Variants in FBP1 observed in about 807,000 individuals in gnomAD.
The protein encoded by FBP1 is fructose-1,6-bisphosphatase 1.
Under a neutral mutation model 29.9 loss-of-function variants are expected in FBP1, and 22 were observed. The ratio of observed to expected loss-of-function variants is 0.74; its 90% CI spans 0.53 to 1.05. FBP1 has a LOEUF of 1.05. Among genes scored for constraint, FBP1 ranks in the 50% least tolerant of loss-of-function variants. The probability of loss-of-function intolerance (pLI) is 0.00; values close to 1 mark genes in which losing one functional copy is unlikely to be tolerated. For synonymous variants in FBP1, 175 were observed against 178.6 expected (o/e 0.98, Z 0.16); for missense variants, 345 against 448.2 (o/e 0.77, Z 2.08).
chr9:94,619,533 AGACACTGG>A (rs747411337), intron 2 of FBP1, among the ~76,000 whole-genome samples: 8 of 152,152 alleles, frequency 5.3e-5, no homozygotes, highest in Non-Finnish European at 7.3e-5. Context: ...GCATTGCACT[AGACACTGG>A]GACACAGAGA....
chr9:94,628,447 T>C (rs1038454988), intron 1 of FBP1, among the ~76,000 whole-genome samples: 1 of 151,922 alleles, frequency 6.6e-6, no homozygotes, highest in African/African-American at 2.4e-5. Context: ...CCACCTTTTC[T>C]GTATTGGGCC....
At chr9:94,636,752 G>A (rs879807544) in intron 1 of FBP1, among the ~76,000 whole-genome samples, 4 of 151,914 alleles carry the variant, frequency 2.6e-5, no homozygotes, top group South Asian at 4.2e-4. Context: ...AGAGTGGCAC[G>A]ATCTGGGCTC....
In FBP1 at chr9:94,603,440, C is replaced by A. The variant is rs776725815; in HGVS notation, c.958G>T (p.Gly320Ter). 2 of 1,614,054 alleles carry A rather than the reference C, an allele frequency of 1.2e-6. No individual in the cohort carries two copies. Among genetic ancestry groups the A allele is most frequent in the East Asian group, 2.2e-5 (1 of 44,872 alleles). Residue 320 changes from glycine to a stop codon, truncating the protein, a stop_gained, in exon 7 of 7, where the codon GGA becomes TGA. Transcript: ENST00000375326. LOFTEE classifies it high-confidence loss of function. ...AACTCGAGCACGTCGTCGGGGGATC[C>A]CAAGATCACCGGCGCCCTCTGGTGA... ...DIHQRAPVIL[G>*]SPDDVLEFLK...
rs1204449433 is a variant in FBP1 at position 94,617,960 on chromosome 9, C to A, written c.334-100G>T. On this transcript the variant is annotated intron_variant, in intron 2 of 6. Transcript: ENST00000375326. ...AAGAATGGGAATTTAGAAGAAAGTT[C>A]AAAAAATGTGGGTCTTATTTATTTG... 17 of 910,086 alleles carry A rather than the reference C, an allele frequency of 1.9e-5. No individual in the cohort carries two copies. The Admixed American group carries it at 2.8e-4, about 15-fold the overall frequency. 56.4% of individuals were successfully genotyped at this position (910,086 alleles called of 1,614,324 possible).
rs895979280 is a variant in FBP1 at position 94,607,579 on chromosome 9, G to A, written c.568-627C>T. ...TTCTCAGACTGCCTCTTCCCACATA[G>A]CCCAGGGTTAAGCTTATGCCTTTAA... On this transcript the variant is annotated intron_variant, in intron 4 of 6. Transcript: ENST00000375326. 8.5e-5 allele frequency among the ~76,000 whole-genome samples: 13 copies of A among 152,274 alleles called. No individual in the cohort carries two copies. In the East Asian group the frequency reaches 2.5e-3, roughly 29 times the overall value.
chr9:94,608,780 G>A (rs1179325947), intron 4 of FBP1, among the ~76,000 whole-genome samples: 1 of 152,072 alleles, frequency 6.6e-6, no homozygotes, highest in Non-Finnish European at 1.5e-5. Context: ...ACACAGACCC[G>A]GCCTCACCTC....
Position 94,610,006 on chromosome 9 carries a change from AC to A in FBP1, c.481del (p.Val161TrpfsTer41). Reference protein sequence around the residue: ...KDALQPGRNLVAAGYALYGSA... With the variant: ...KDALQPGRNLXAAGYALYGSA... ...GCCATACAGTGCGTAGCCGGCTGCC[AC>A]CAGGTTCCGGCCTGGTTGCAGAGCA... On this transcript the variant is annotated frameshift_variant, in exon 4 of 7. Coordinates refer to ENST00000375326, the MANE Select transcript of FBP1 (RefSeq NM_000507.4). LOFTEE classifies it high-confidence loss of function. 6.2e-7 allele frequency: 1 copy of A among 1,614,212 alleles called. No homozygotes were observed. Among genetic ancestry groups the A allele is most frequent in the Non-Finnish European group, 8.5e-7 (1 of 1,180,022 alleles).
intron 6 of FBP1, 80 bp from the exon 7 acceptor site, chr9:94,603,652 G>T: frequency 7.7e-7 from 1 of 1,301,400 alleles, no homozygotes; most frequent in Non-Finnish European, 1.1e-6. Flanking sequence ...AGCAAAACAT[G>T]CAGAGCTGGT....
At chr9:94,622,852 G>A (rs1281248722) in intron 1 of FBP1, among the ~76,000 whole-genome samples, 2 of 152,162 alleles carry the variant, frequency 1.3e-5, no homozygotes, top group Non-Finnish European at 2.9e-5. Context: ...CCAAAATCTG[G>A]GAGGCCAGAG....
At chr9:94,608,302 G>A (rs1165797284) in intron 4 of FBP1, among the ~76,000 whole-genome samples, 1 of 152,248 alleles carries the variant, frequency 6.6e-6, no homozygotes. Flanking sequence ...AGGCACCGCA[G>A]ACAGAAGGGC....
chr9:94,620,456 T>C lies in FBP1; in HGVS notation c.206A>G (p.Asp69Gly), dbSNP rs997295861. The change falls in exon 2 of 7, where the codon GAT becomes GGT. Residue 69 changes from aspartate to glycine, a missense_variant. Coordinates refer to ENST00000375326, the MANE Select transcript of FBP1 (RefSeq NM_000507.4). ...GIAGSTNVTG[D>G]QVKKLDVLSN... ...GAGGACGTCCAGCTTCTTAACTTGA[T>C]CACCTGTCACGTTGGTAGAACCAGC... 1 of 1,614,144 alleles carries C rather than the reference T, an allele frequency of 6.2e-7. No individual in the cohort carries two copies. The highest frequency in any genetic ancestry group is 8.5e-7 in the Non-Finnish European group (1 of 1,180,002).
chr9:94,621,391 G>T (rs537583484), intron 1 of FBP1, among the ~76,000 whole-genome samples: 1 of 82,792 alleles, frequency 1.2e-5, no homozygotes. Context: ...GCAAGATTCC[G>T]TCTAAAAATA....
upstream of FBP1, among the ~76,000 whole-genome samples, chr9:94,639,729 C>CCCCA (rs544403542): frequency 7.5e-3 from 1,113 of 148,552 alleles, 14 homozygotes; most frequent in African/African-American, 0.027. Context: ...CTGTCGCCCC[C>CCCCA]CACACACACC....
rs28369744 is a variant in FBP1 at position 94,608,298 on chromosome 9, C to G, written c.568-1346G>C. ...CGGGAGGCTCAGCCCCGTCAGGCAC[C>G]GCAGACAGAAGGGCTGGAATCAAAT... On this transcript the variant is annotated intron_variant, in intron 4 of 6. Coordinates refer to ENST00000375326, the MANE Select transcript of FBP1 (RefSeq NM_000507.4). Among the ~76,000 whole-genome samples the G allele has an allele frequency of 1.1e-3, 163 of 152,334 alleles. 5 individuals carry two copies. In the East Asian group the frequency reaches 0.03, roughly 28 times the overall value.
chr9:94,609,173 G>C (rs1339459774), intron 4 of FBP1, among the ~76,000 whole-genome samples: 1 of 150,054 alleles, frequency 6.7e-6, no homozygotes, highest in Non-Finnish European at 1.5e-5. Flanking sequence ...TGGGAGACAG[G>C]GCAAGACTAC....
At chr9:94,607,514 G>A (rs1037341494) in intron 4 of FBP1, among the ~76,000 whole-genome samples, 2 of 152,172 alleles carry the variant, frequency 1.3e-5, no homozygotes, top group Non-Finnish European at 2.9e-5. Flanking sequence ...TCTGGCGTAC[G>A]TAACTTCCGA....
intron 1 of FBP1, among the ~76,000 whole-genome samples, chr9:94,627,801 G>C (rs1828046984): frequency 6.6e-6 from 1 of 152,326 alleles, no homozygotes; most frequent in Middle Eastern, 3.4e-3. Context: ...GGAGGGATAT[G>C]GGAAACCATC....
At chr9:94,617,291 A>G (rs1314512768) in intron 3 of FBP1, among the ~76,000 whole-genome samples, 1 of 152,230 alleles carries the variant, frequency 6.6e-6, no homozygotes, top group Non-Finnish European at 1.5e-5. Flanking sequence ...AACTATTTAA[A>G]AATGTAAAAA....
chr9:94,610,598 T>C (rs539650661), intron 3 of FBP1, among the ~76,000 whole-genome samples: 1 of 152,242 alleles, frequency 6.6e-6, no homozygotes, highest in Non-Finnish European at 1.5e-5. Flanking sequence ...AGAGTCATTA[T>C]GGGGTAGAGC....
Sources: gnomAD v4.1 joint callset for allele counts (sites outside exome capture counted in the v4.1 genomes callset) on GRCh38, gnomAD v4.1.1 for gene constraint, MANE v1.5 for transcripts, NCBI Gene and HGNC (gene_info 2026-07-23, HGNC 2026-07-21) for gene names.